The following ADCY7 variants were observed in gnomAD, a reference collection of about 807,000 sequenced individuals.
ADCY7 encodes the protein adenylate cyclase 7, also known as adenylate cyclase type 7.
Under a neutral mutation model 120.6 loss-of-function variants are expected in ADCY7, and 72 were observed. That is an observed-to-expected ratio of 0.60 (90% CI 0.49 to 0.73). The LOEUF (loss-of-function observed/expected upper bound fraction) is 0.73, where lower values mean the gene tolerates loss of function less well. ADCY7 is among the 30% of genes least tolerant of loss of function. ADCY7 has a pLI of 0.00. For missense variants in ADCY7, 1,227 were observed against 1,486.0 expected, an observed-to-expected ratio of 0.83 and a Z score of 2.87; for synonymous variants, 661 against 628.0, an observed-to-expected ratio of 1.05 and a Z score of -0.78.
Position 50,312,162 on chromosome 16 carries a change from G to C in ADCY7, c.2575G>C (p.Ala859Pro). Reference protein sequence around the residue: ...LENVLPAHVAAHFIGDKLNED... With the variant: ...LENVLPAHVAPHFIGDKLNED... The stretch of plus-strand genomic sequence containing the variant: ...GAACGTCCTGCCAGCCCACGTGGCT[G>C]CCCACTTTATCGGTGACAAGTTAAA... Residue 859 changes from alanine to proline, a missense_variant, in exon 21 of 26, where the codon GCC becomes CCC. By Grantham distance (27) the Ala-to-Pro change is conservative. Transcript: ENST00000673801. 1 of 1,614,192 alleles carries C rather than the reference G, an allele frequency of 6.2e-7. No homozygotes were observed. Among genetic ancestry groups the C allele is most frequent in the Non-Finnish European group, 8.5e-7 (1 of 1,180,040 alleles).
At chr16:50,302,023 C>T (rs987952007) in intron 10 of ADCY7, 2 of 152,852 alleles carry the variant, frequency 1.3e-5, no homozygotes, top group African/African-American at 4.8e-5. Context: ...AAACCCCTGC[C>T]GGTACCTGTG....
At chr16:50,271,913 C>A (rs1596827307) in intron 1 of ADCY7, among the ~76,000 whole-genome samples, 1 of 152,188 alleles carries the variant, frequency 6.6e-6, no homozygotes, top group Non-Finnish European at 1.5e-5. Flanking sequence ...GTGGCTGGGG[C>A]CCAAGGGACG....
Position 50,292,753 on chromosome 16 carries a change from C to T in ADCY7, c.615C>T (p.Ser205=). The T allele has an allele frequency of 6.2e-7, 1 of 1,613,916 alleles. No individual in the cohort carries two copies. Among genetic ancestry groups the T allele is most frequent in the Non-Finnish European group, 8.5e-7 (1 of 1,179,960 alleles). ...AFHKHQMQDA[S]RDLFTYTVKC... ...ACAAGCACCAAATGCAGGATGCATC[C>T]CGGGACCTCTTCACCTACACTGTGA... The change falls in exon 5 of 26, where the codon TCC becomes TCT. Residue 205 remains serine, a synonymous_variant. Transcript: ENST00000673801.
intron 14 of ADCY7, among the ~76,000 whole-genome samples, chr16:50,306,710 C>T (rs553526818): frequency 2.0e-5 from 3 of 152,088 alleles, no homozygotes; most frequent in South Asian, 2.1e-4. Flanking sequence ...AAGAGAGAGA[C>T]GGGTGGTGTA....
At chr16:50,246,773 A>G (rs1194009813) in intron 1 of ADCY7, among the ~76,000 whole-genome samples, 1 of 152,212 alleles carries the variant, frequency 6.6e-6, no homozygotes, top group Non-Finnish European at 1.5e-5. Context: ...GGAAACCCAG[A>G]TGCCTTGCAC....
intron 10 of ADCY7, chr16:50,301,636 G>T (rs1596952516): frequency 5.1e-6 from 1 of 197,918 alleles, no homozygotes; most frequent in East Asian, 1.3e-4. Context: ...CACTGGGCAG[G>T]AGCCTCTGAG....
At chr16:50,253,929 G>GTC (rs777629283) in intron 1 of ADCY7, among the ~76,000 whole-genome samples, 27 of 152,132 alleles carry the variant, frequency 1.8e-4, no homozygotes, top group Non-Finnish European at 3.7e-4. Context: ...GTCCTTGTCT[G>GTC]TCTCTAACTG....
intron 25 of ADCY7, 61 bp downstream of exon 25, chr16:50,315,199 G>T: frequency 1.3e-6 from 2 of 1,597,374 alleles, no homozygotes; most frequent in South Asian, 1.1e-5. Context: ...GAGGTGAGGG[G>T]ACTTGGACTT....
At chr16:50,278,430 T>G (rs2034040464) in intron 1 of ADCY7, among the ~76,000 whole-genome samples, 1 of 152,222 alleles carries the variant, frequency 6.6e-6, no homozygotes, top group South Asian at 2.1e-4. Flanking sequence ...GCTATTGGTC[T>G]TCTTTTTTAT....
In ADCY7 at chr16:50,300,802, C is replaced by T; in HGVS notation, c.1164C>T (p.Arg388=). Residue 388 remains arginine (R), a synonymous_variant, in exon 9 of 26, where the codon CGC becomes CGT. Coordinates refer to ENST00000673801, the MANE Select transcript of ADCY7 (RefSeq NM_001114.5). ...TGCTGTGCGGGGTCATCGGGCTGCG[C>T]AAGTGGCAGTATGACGTGTGGTCCC... ...GNVLCGVIGL[R]KWQYDVWSHD... 6.4e-7 allele frequency: 1 copy of T among 1,555,822 alleles called. No homozygotes were observed.
chr16:50,300,572 C>A, intron 8 of ADCY7, 143 bp from the exon 9 acceptor site: 1 of 982,378 alleles, frequency 1.0e-6, no homozygotes, highest in South Asian at 1.7e-5. Context: ...AGAGGCAGCC[C>A]CATCAGGCTG....
At chr16:50,276,229 G>C (rs1438946663) in intron 1 of ADCY7, among the ~76,000 whole-genome samples, 1 of 152,198 alleles carries the variant, frequency 6.6e-6, no homozygotes, top group Non-Finnish European at 1.5e-5. Context: ...CATGGCCCTG[G>C]AAAGCCGGCC....
chr16:50,283,545 C>T (rs894213356), intron 1 of ADCY7, among the ~76,000 whole-genome samples: 2 of 152,214 alleles, frequency 1.3e-5, no homozygotes, highest in African/African-American at 4.8e-5. Context: ...GGCCCATGAA[C>T]CAGGGTACTG....
upstream of ADCY7, among the ~76,000 whole-genome samples, chr16:50,262,938 A>G (rs1415543037): frequency 6.6e-6 from 1 of 152,224 alleles, no homozygotes; most frequent in African/African-American, 2.4e-5. Context: ...CAGGGCTGGG[A>G]GATCTTGGGT....
intron 17 of ADCY7, 156 bp downstream of exon 17, chr16:50,308,948 CT>C: frequency 1.1e-6 from 1 of 936,456 alleles, no homozygotes; most frequent in Non-Finnish European, 1.5e-6. Flanking sequence ...CTCAGGGCTC[CT>C]CACCTTTGGG....
At position 50,318,104 on chromosome 16, in the gene ADCY7, A is replaced by ATACAT. The variant is rs1266191356; in HGVS notation, c.*2602_*2606dup. 1.3e-5 allele frequency: 2 copies of ATACAT among 152,310 alleles called. No homozygotes were observed. The highest frequency in any genetic ancestry group is 4.8e-5 in the African/African-American group (2 of 41,460). The allele number at this position is 152,310 out of a possible 1,614,324, so 9.4% of individuals were successfully genotyped here. A position where few individuals can be genotyped will look rare whatever the true frequency, so the allele number is the denominator to read the frequency against. The stretch of plus-strand genomic sequence containing the variant: ...AAGTACCAGTGTTTAGCTGCTTTTT[A>ATACAT]TACATTAAATTAGCAATTTGAAAAA... On this transcript the variant is annotated 3_prime_UTR_variant, in exon 26 of 26. Coordinates refer to ENST00000673801, the MANE Select transcript of ADCY7 (RefSeq NM_001114.5).
chr16:50,307,309 C>T (rs1596974280), intron 15 of ADCY7, among the ~76,000 whole-genome samples, 162 bp downstream of exon 15: 1 of 152,142 alleles, frequency 6.6e-6, no homozygotes, highest in African/African-American at 2.4e-5. Context: ...GAGTTACCAA[C>T]ACTTCTTTTT....
In ADCY7 at chr16:50,300,079, C is replaced by CTTTA. The variant is rs548025788; in HGVS notation, c.1077-616_1077-613dup. 3.1e-3 allele frequency among the ~76,000 whole-genome samples: 476 copies of CTTTA among 152,100 alleles called. 1 individual carries two copies. The highest frequency in any genetic ancestry group is 0.01 in the African/African-American group (424 of 41,492). On this transcript the variant is annotated intron_variant, in intron 8 of 25. Coordinates refer to ENST00000673801, the MANE Select transcript of ADCY7 (RefSeq NM_001114.5). ...GACCCCCTCTGTAGACGCCAGTAAA[C>CTTTA]TTTATTTATTTATTTATTTATTTGA...
At chr16:50,314,702 G>A (rs2036699038) in intron 24 of ADCY7, 1 of 453,318 alleles carries the variant, frequency 2.2e-6, no homozygotes, top group Admixed American at 3.8e-5. Flanking sequence ...CTAAATAGTT[G>A]CGGGCCTGCG....
Sources: gnomAD v4.1 joint callset for allele counts (sites outside exome capture counted in the v4.1 genomes callset) on GRCh38, gnomAD v4.1.1 for gene constraint, MANE v1.5 for transcripts, NCBI Gene and HGNC (gene_info 2026-07-23, HGNC 2026-07-21) for gene names.